The following VAMP4 variants were observed in gnomAD, a reference collection of about 807,000 sequenced individuals.
VAMP4 encodes the protein vesicle-associated membrane protein 4.
VAMP4 carries 19 observed loss-of-function variants against 23.5 expected under a neutral mutation model. That is an observed-to-expected ratio of 0.81 (90% CI 0.56 to 1.19). The LOEUF (loss-of-function observed/expected upper bound fraction) is 1.19. VAMP4 is among the 50% of genes most tolerant of loss of function. The pLI is 0.00. For synonymous variants in VAMP4, 31 were observed against 51.0 expected, an observed-to-expected ratio of 0.61 and a Z score of 1.67; for missense variants, 145 against 168.6, an observed-to-expected ratio of 0.86 and a Z score of 0.78.
In VAMP4 at chr1:171,702,237, G is replaced by A. The variant is rs1033651967; in HGVS notation, c.*2269C>T. On this transcript the variant is annotated 3_prime_UTR_variant, in exon 8 of 8. Coordinates refer to ENST00000236192, the MANE Select transcript of VAMP4 (RefSeq NM_003762.5). ...TCATAACCATGCCAGCCATTTTAAG[G>A]ATTTCAGGATTAATCAAGACCAAGA... 6 of 151,946 alleles carry A rather than the reference G, an allele frequency of 3.9e-5. No individual in the cohort carries two copies. Among genetic ancestry groups the A allele is most frequent in the Admixed American group, 3.9e-4 (6 of 15,250 alleles). 9.4% of individuals were successfully genotyped at this position (151,946 alleles called of 1,614,324 possible).
chr1:171,730,203 T>C (rs1356773921), intron 2 of VAMP4, among the ~76,000 whole-genome samples: 2 of 152,216 alleles, frequency 1.3e-5, no homozygotes, highest in East Asian at 3.8e-4. Flanking sequence ...TTTAAGTGTG[T>C]GGTAATTTGT....
At chr1:171,711,183 C>T (rs1654836200) in intron 4 of VAMP4, among the ~76,000 whole-genome samples, 1 of 152,108 alleles carries the variant, frequency 6.6e-6, no homozygotes, top group Admixed American at 6.6e-5. Context: ...AGCACATAGA[C>T]ACCGCTGTAG....
intron 6 of VAMP4, among the ~76,000 whole-genome samples, chr1:171,707,239 GAT>G (rs1202485433): frequency 1.3e-5 from 2 of 152,054 alleles, no homozygotes. Flanking sequence ...CCCACCTATG[GAT>G]AATTTTATTA....
intron 2 of VAMP4, among the ~76,000 whole-genome samples, chr1:171,737,195 T>A (rs369120590): frequency 2.6e-4 from 39 of 152,344 alleles, no homozygotes; most frequent in Middle Eastern, 3.4e-3. Flanking sequence ...GCACAGACTA[T>A]GTCTTCCAAT....
intron 6 of VAMP4, among the ~76,000 whole-genome samples, chr1:171,706,900 A>G (rs565712841): frequency 1.6e-3 from 248 of 152,316 alleles, no homozygotes; most frequent in African/African-American, 5.5e-3. Flanking sequence ...AGCATTTCTA[A>G]AACAATTTGG....
At chr1:171,708,893 AAAGG>A (rs1654757439) in intron 6 of VAMP4, among the ~76,000 whole-genome samples, 1 of 151,010 alleles carries the variant, frequency 6.6e-6, no homozygotes. Flanking sequence ...AAAAAAAAAA[AAAGG>A]AGAGTTATTG....
intron 4 of VAMP4, among the ~76,000 whole-genome samples, chr1:171,715,130 AGAG>A (rs1474611433): frequency 6.6e-6 from 1 of 152,192 alleles, no homozygotes; most frequent in Non-Finnish European, 1.5e-5. Context: ...AATTGGGAAA[AGAG>A]TAGACAACTC....
chr1:171,704,497 G>C lies in VAMP4; in HGVS notation c.*9C>G, dbSNP rs778294821. 6.3e-7 allele frequency: 1 copy of C among 1,576,300 alleles called. No homozygotes were observed. Reference sequence around the variant, plus strand: ...CAGATCTTGTTTAATGAAGATCTCTGTCATCAAATCAAGTACGGTATTTCA... The same window carrying C: ...CAGATCTTGTTTAATGAAGATCTCTCTCATCAAATCAAGTACGGTATTTCA... On this transcript the variant is annotated 3_prime_UTR_variant, in exon 8 of 8. Coordinates refer to ENST00000236192, the MANE Select transcript of VAMP4 (RefSeq NM_003762.5).
At chr1:171,707,793 A>G (rs79446313) in intron 6 of VAMP4, among the ~76,000 whole-genome samples, 2,791 of 152,218 alleles carry the variant, frequency 0.018, 97 homozygotes, top group African/African-American at 0.062. Context: ...TTCCTCCTTA[A>G]AAGCACGCTA....
rs1315267823 is a variant in VAMP4 at position 171,704,400 on chromosome 1, G to C, written c.*106C>G. On this transcript the variant is annotated 3_prime_UTR_variant, in exon 8 of 8. Coordinates refer to ENST00000236192, the MANE Select transcript of VAMP4 (RefSeq NM_003762.5). ...AGTGATACTTGCCTCTTAGTTTCTT[G>C]AAAAAGAAGTTTTGAAAGTTATATA... The C allele has an allele frequency of 1.1e-6, 1 of 928,296 alleles. No homozygotes were observed. The highest frequency in any genetic ancestry group is 3.1e-5 in the East Asian group (1 of 32,034). The allele number at this position is 928,296 out of a possible 1,614,324, so 57.5% of individuals were successfully genotyped here. A position where few individuals can be genotyped will look rare whatever the true frequency, so the allele number is the denominator to read the frequency against.
chr1:171,715,785 G>A (rs978511930), intron 4 of VAMP4, among the ~76,000 whole-genome samples: 1 of 152,106 alleles, frequency 6.6e-6, no homozygotes, highest in Non-Finnish European at 1.5e-5. Context: ...GAAGTGGGAG[G>A]ATCCCTTGAG....
At chr1:171,719,751 A>G (rs1406476861) in intron 3 of VAMP4, among the ~76,000 whole-genome samples, 3 of 152,056 alleles carry the variant, frequency 2.0e-5, no homozygotes, top group African/African-American at 7.2e-5. Flanking sequence ...ACTTATCAAC[A>G]TAGCAAAAGG....
At position 171,700,477 on chromosome 1, in the gene VAMP4, T is replaced by C. The variant is rs938120305; in HGVS notation, c.*4029A>G. On this transcript the variant is annotated 3_prime_UTR_variant, in exon 8 of 8. Transcript: ENST00000236192. ...TTCTAACATTTTACTGACTAAAATC[T>C]CTGCTAATTATGTAATCTACTTTGT... 2.0e-5 allele frequency: 3 copies of C among 152,242 alleles called. No individual in the cohort carries two copies. Among genetic ancestry groups the C allele is most frequent in the Non-Finnish European group, 4.4e-5 (3 of 68,048 alleles). 9.4% of individuals were successfully genotyped at this position (152,242 alleles called of 1,614,324 possible).
chr1:171,710,675 A>T, intron 5 of VAMP4, 39 bp downstream of exon 5: 2 of 1,491,568 alleles, frequency 1.3e-6, no homozygotes, highest in Non-Finnish European at 9.2e-7. Flanking sequence ...AAACTAGCAA[A>T]CAGATTAGTA....
chr1:171,711,558 TA>T (rs1332199367), intron 4 of VAMP4, among the ~76,000 whole-genome samples: 1 of 152,150 alleles, frequency 6.6e-6, no homozygotes, highest in African/African-American at 2.4e-5. Context: ...AGACTTAACC[TA>T]AACTTAAAAT....
chr1:171,733,808 C>T (rs556493988), intron 2 of VAMP4, among the ~76,000 whole-genome samples: 102 of 152,266 alleles, frequency 6.7e-4, no homozygotes, highest in African/African-American at 2.2e-3. Flanking sequence ...TACTACAATA[C>T]TCAGCAATTC....
intron 6 of VAMP4, among the ~76,000 whole-genome samples, chr1:171,707,738 G>A (rs1177564510): frequency 1.3e-5 from 2 of 152,110 alleles, no homozygotes; most frequent in African/African-American, 2.4e-5. Flanking sequence ...ATGGTCCCCA[G>A]AGGTTCTCAA....
At chr1:171,733,237 C>T (rs1655616106) in intron 2 of VAMP4, among the ~76,000 whole-genome samples, 1 of 139,374 alleles carries the variant, frequency 7.2e-6, no homozygotes, top group African/African-American at 2.7e-5. Flanking sequence ...GAGGGAGGAT[C>T]ACTTGAGCCC....
chr1:171,712,915 C>T (rs983320021), intron 4 of VAMP4, among the ~76,000 whole-genome samples: 1 of 152,176 alleles, frequency 6.6e-6, no homozygotes, highest in East Asian at 1.9e-4. Flanking sequence ...AGCTGTGAAA[C>T]AGCATGCTTT....
Sources: allele counts gnomAD v4.1 joint callset (sites outside exome capture counted in the v4.1 genomes callset), GRCh38; gene constraint gnomAD v4.1.1; transcripts MANE v1.5; gene names NCBI Gene and HGNC (gene_info 2026-07-23, HGNC 2026-07-21).